The following CACNA2D3 variants were observed in gnomAD, a reference collection of about 807,000 sequenced individuals.
The protein encoded by CACNA2D3 is voltage-dependent calcium channel subunit alpha-2/delta-3.
CACNA2D3 carries 60 observed loss-of-function variants against 160.6 expected under a neutral mutation model. The ratio of observed to expected loss-of-function variants is 0.37; its 90% CI spans 0.30 to 0.46. CACNA2D3 has a LOEUF of 0.46. Among genes scored for constraint, CACNA2D3 ranks in the 20% least tolerant of loss-of-function variants. CACNA2D3 has a pLI of 1.00. For synonymous variants in CACNA2D3, 558 were observed against 492.9 expected, an observed-to-expected ratio of 1.13 and a Z score of -1.75; for missense variants, 1,205 against 1,365.0, an observed-to-expected ratio of 0.88 and a Z score of 1.85.
At chr3:54,324,174 A>C (rs1318562416) in intron 3 of CACNA2D3, among the ~76,000 whole-genome samples, 2 of 152,132 alleles carry the variant, frequency 1.3e-5, no homozygotes, top group Non-Finnish European at 2.9e-5. Flanking sequence ...CCTGCCTGTT[A>C]AACAATGTTG....
intron 11 of CACNA2D3, among the ~76,000 whole-genome samples, chr3:54,716,908 C>CT (rs35289105): frequency 0.17 from 24,324 of 145,862 alleles, 2,219 homozygotes; most frequent in Non-Finnish European, 0.21. Context: ...TTGTGTGGCA[C>CT]TTTTTTTTTT....
At chr3:54,638,044 A>G (rs1012917838) in intron 10 of CACNA2D3, 1 of 151,992 alleles carries the variant, frequency 6.6e-6, no homozygotes, top group African/African-American at 2.4e-5. Context: ...TTTGTCTCAC[A>G]GTGGAGGCAA....
rs144640372 is a variant in CACNA2D3 at position 55,059,230 on chromosome 3, G to T, written c.2988-14215G>T. 5.9e-3 allele frequency among the ~76,000 whole-genome samples: 904 copies of T among 152,272 alleles called. 7 individuals carry two copies. The highest frequency in any genetic ancestry group is 0.014 in the Middle Eastern group (4 of 294). ...ACCCAACAATTCACATGGAAATTGT[G>T]AAAGACAGTATAAAAGATGATAGAA... On this transcript the variant is annotated intron_variant, in intron 35 of 37. Transcript: ENST00000474759.
Position 54,304,865 on chromosome 3 carries a change from C to T in CACNA2D3, c.205-15577C>T, listed in dbSNP as rs531972515. ...GTCATCCAAAATTCTGCCACCATAC[C>T]CAGGCACGATTGGAATTTTGTTGTG... is the stretch of plus-strand genomic sequence containing the variant. On this transcript the variant is annotated intron_variant, in intron 2 of 37. Coordinates refer to ENST00000474759, the MANE Select transcript of CACNA2D3 (RefSeq NM_018398.3). Among the ~76,000 whole-genome samples, 7 of 152,034 alleles carry T rather than the reference C, an allele frequency of 4.6e-5. No homozygotes were observed. The East Asian group carries it at 1.4e-3, about 29-fold the overall frequency.
chr3:55,022,928 A>G (rs1191786149), intron 35 of CACNA2D3, among the ~76,000 whole-genome samples: 6 of 151,864 alleles, frequency 4.0e-5, no homozygotes, highest in Non-Finnish European at 2.9e-5. Context: ...AACTATTACT[A>G]TTGCTGCTGC....
chr3:54,350,268 T>G (rs1291561239), intron 3 of CACNA2D3, among the ~76,000 whole-genome samples: 1 of 152,222 alleles, frequency 6.6e-6, no homozygotes, highest in East Asian at 1.9e-4. Flanking sequence ...AGTTACACAG[T>G]GTCATTTTAG....
At chr3:54,260,587 A>G (rs573543127) in intron 2 of CACNA2D3, among the ~76,000 whole-genome samples, 1 of 152,318 alleles carries the variant, frequency 6.6e-6, no homozygotes, top group African/African-American at 2.4e-5. Flanking sequence ...CCAGCAACAT[A>G]TGAACTTGTA....
At chr3:54,871,401 C>T in intron 17 of CACNA2D3, 138 bp from the exon 18 acceptor site, 1 of 597,472 alleles carries the variant, frequency 1.7e-6, no homozygotes, top group South Asian at 2.4e-5. Flanking sequence ...AGGACTGTCA[C>T]CCTGCTGGGC....
At chr3:54,828,431 C>T (rs996613001) in intron 14 of CACNA2D3, among the ~76,000 whole-genome samples, 1 of 152,146 alleles carries the variant, frequency 6.6e-6, no homozygotes, top group Non-Finnish European at 1.5e-5. Flanking sequence ...TTCTCATGAC[C>T]ATGGCTTTAT....
intron 13 of CACNA2D3, among the ~76,000 whole-genome samples, chr3:54,808,205 T>C (rs1703185641): frequency 1.3e-5 from 2 of 152,040 alleles, no homozygotes; most frequent in Admixed American, 6.5e-5. Context: ...TAAAGTATAA[T>C]AATAATTTTT....
At chr3:54,241,928 A>C (rs1452492911) in intron 2 of CACNA2D3, among the ~76,000 whole-genome samples, 1 of 152,200 alleles carries the variant, frequency 6.6e-6, no homozygotes, top group African/African-American at 2.4e-5. Flanking sequence ...TAGGGCTGCC[A>C]TGAGGATTCA....
intron 2 of CACNA2D3, among the ~76,000 whole-genome samples, chr3:54,134,467 C>T (rs1351941557): frequency 1.3e-5 from 2 of 152,124 alleles, no homozygotes; most frequent in African/African-American, 2.4e-5. Context: ...GAGGAATAGC[C>T]GCCCAGCCTT....
At chr3:54,614,149 T>G (rs1022881265) in intron 9 of CACNA2D3, among the ~76,000 whole-genome samples, 1 of 152,204 alleles carries the variant, frequency 6.6e-6, no homozygotes, top group African/African-American at 2.4e-5. Flanking sequence ...ATAAAATGTG[T>G]ACCATGAGGA....
chr3:54,641,411 G>T (rs1699517020), intron 10 of CACNA2D3, among the ~76,000 whole-genome samples: 1 of 152,270 alleles, frequency 6.6e-6, no homozygotes, highest in Middle Eastern at 3.4e-3. Context: ...TGGAAGCCAG[G>T]GTTTTGTTAT....
chr3:54,463,989 A>G (rs895568108), intron 4 of CACNA2D3, among the ~76,000 whole-genome samples: 1 of 152,188 alleles, frequency 6.6e-6, no homozygotes, highest in South Asian at 2.1e-4. Context: ...TCCTTCTACC[A>G]TACAGGACCC....
chr3:54,927,979 G>C, intron 27 of CACNA2D3: 1 of 1,479,848 alleles, frequency 6.8e-7, no homozygotes, highest in Non-Finnish European at 9.4e-7. Flanking sequence ...AGCAACACAC[G>C]AAGGGCATGG....
At chr3:54,123,700 G>A (rs1336650372) in intron 2 of CACNA2D3, 106 bp downstream of exon 2, 1 of 903,042 alleles carries the variant, frequency 1.1e-6, no homozygotes, top group Non-Finnish European at 1.9e-6. Flanking sequence ...TCAGTTATCG[G>A]AGGACTCTCT....
chr3:54,772,913 C>G (rs1224647907), intron 13 of CACNA2D3, among the ~76,000 whole-genome samples: 1 of 152,196 alleles, frequency 6.6e-6, no homozygotes, highest in Admixed American at 6.5e-5. Flanking sequence ...CATCAGCATT[C>G]CTGATCAGCC....
chr3:54,941,353 T>A (rs1420687440), intron 27 of CACNA2D3, among the ~76,000 whole-genome samples: 1 of 152,206 alleles, frequency 6.6e-6, no homozygotes, highest in Non-Finnish European at 1.5e-5. Context: ...ATCTCAGTTA[T>A]GAAGTAAGCC....
Sources: allele counts gnomAD v4.1 joint callset (sites outside exome capture counted in the v4.1 genomes callset), GRCh38; gene constraint gnomAD v4.1.1; transcripts MANE v1.5; gene names NCBI Gene and HGNC (gene_info 2026-07-23, HGNC 2026-07-21).